Variants in TMEM177 observed in about 807,000 individuals in gnomAD.
TMEM177 encodes the protein transmembrane protein 177.
Under a neutral mutation model 14.2 loss-of-function variants are expected in TMEM177, and 4 were observed. The observed-to-expected ratio is 0.28, with a 90% confidence interval of 0.14 to 0.64. TMEM177 has a LOEUF of 0.64. TMEM177 is among the 30% of genes least tolerant of loss of function. The pLI, the probability that TMEM177 is intolerant of heterozygous loss-of-function variation, is 0.82. For missense variants in TMEM177, 344 were observed against 405.2 expected (o/e 0.85, Z 1.30); for synonymous variants, 179 against 174.5 (o/e 1.03, Z -0.20).
downstream of TMEM177, among the ~76,000 whole-genome samples, chr2:119,690,569 C>G (rs772312381): frequency 7.9e-5 from 12 of 152,184 alleles, no homozygotes; most frequent in Admixed American, 1.3e-4. Flanking sequence ...TAAGCTGGGG[C>G]CTGGGCCTGA....
At chr2:119,696,433 C>T in the TMEM177 span, among the ~76,000 whole-genome samples, 1 of 152,170 alleles carries the variant, frequency 6.6e-6, no homozygotes, top group Admixed American at 6.5e-5. Context: ...TACCACCAAC[C>T]CTTCATTTAT....
chr2:119,681,501 C>T lies in TMEM177; in HGVS notation c.648C>T (p.Tyr216=), dbSNP rs556209216. 23 of 1,613,760 alleles carry T rather than the reference C, an allele frequency of 1.4e-5. No individual in the cohort carries two copies. Among genetic ancestry groups the T allele is most frequent in the African/African-American group, 1.3e-4 (10 of 75,076 alleles). Residue 216 remains tyrosine, a synonymous_variant, in exon 2 of 2, where the codon TAC becomes TAT. Transcript: ENST00000272521. ...LVAAVAGFVA[Y]AFSQDSLTHA... is the part of the protein sequence containing the mutation. Reference sequence around the variant, plus strand: ...CAGCAGTGGCAGGCTTTGTGGCCTACGCCTTCTCCCAGGATTCTCTCACTC... The same window carrying T: ...CAGCAGTGGCAGGCTTTGTGGCCTATGCCTTCTCCCAGGATTCTCTCACTC...
chr2:119,694,764 AG>A, the TMEM177 span, among the ~76,000 whole-genome samples: 1 of 152,232 alleles, frequency 6.6e-6, no homozygotes, highest in Non-Finnish European at 1.5e-5. Flanking sequence ...GGCGGGGAGC[AG>A]AGCCCACTGC....
the TMEM177 span, among the ~76,000 whole-genome samples, chr2:119,694,218 CACAT>C: frequency 2.0e-5 from 3 of 151,418 alleles, no homozygotes; most frequent in Admixed American, 6.6e-5. Context: ...ACAACACAAA[CACAT>C]ACCACATACA....
chr2:119,708,644 GACACACACACAC>G, the TMEM177 span, among the ~76,000 whole-genome samples: 4 of 146,842 alleles, frequency 2.7e-5, no homozygotes, highest in Non-Finnish European at 6.0e-5. Context: ...ATCACACGCA[GACACACACACAC>G]ACACACACAC....
chr2:119,682,044 G>A lies in TMEM177; in HGVS notation c.*255G>A, dbSNP rs553601669. 2.2e-6 allele frequency: 1 copy of A among 456,594 alleles called. No homozygotes were observed. Among genetic ancestry groups the A allele is most frequent in the East Asian group, 3.6e-5 (1 of 27,824 alleles). The allele number at this position is 456,594 out of a possible 1,614,324, so 28.3% of individuals were successfully genotyped here. A position where few individuals can be genotyped will look rare whatever the true frequency, so the allele number is the denominator to read the frequency against. On this transcript the variant is annotated 3_prime_UTR_variant, in exon 2 of 2. Transcript: ENST00000272521. ...ATGATGTAAACCGCCTTGCAAGATT[G>A]TAGAGTTGGGTAAGGTCATGAACAT...
chr2:119,681,945 T>C lies in TMEM177; in HGVS notation c.*156T>C, dbSNP rs1224118868. On this transcript the variant is annotated 3_prime_UTR_variant, in exon 2 of 2. Transcript: ENST00000272521. ...TAGATTGTACTATAACCACTACTTA[T>C]GAACTCAGGGACTATGAGGGACTAT... 2 of 663,040 alleles carry C rather than the reference T, an allele frequency of 3.0e-6. No individual in the cohort carries two copies. Among genetic ancestry groups the C allele is most frequent in the East Asian group, 5.5e-5 (2 of 36,544 alleles). The allele number at this position is 663,040 out of a possible 1,614,324, so 41.1% of individuals were successfully genotyped here.
the TMEM177 span, among the ~76,000 whole-genome samples, chr2:119,721,028 T>A: frequency 6.6e-6 from 1 of 152,202 alleles, no homozygotes; most frequent in African/African-American, 2.4e-5. Context: ...CTGTCTCAGG[T>A]TCCTGGCCCA....
chr2:119,713,666 C>A, the TMEM177 span, among the ~76,000 whole-genome samples: 3 of 151,990 alleles, frequency 2.0e-5, no homozygotes, highest in African/African-American at 4.8e-5. Flanking sequence ...ATTGAGAGAC[C>A]CCATCTCTTG....
chr2:119,692,477 C>G, the TMEM177 span, among the ~76,000 whole-genome samples: 2 of 152,236 alleles, frequency 1.3e-5, no homozygotes, highest in Non-Finnish European at 1.5e-5. Context: ...CCCACCAACC[C>G]CTGACGAGGT....
At chr2:119,699,324 G>A in the TMEM177 span, among the ~76,000 whole-genome samples, 4 of 152,152 alleles carry the variant, frequency 2.6e-5, no homozygotes, top group African/African-American at 9.7e-5. Context: ...ATCAGATCTC[G>A]TGAGAATTCA....
At chr2:119,686,148 G>T (rs924857610), downstream of TMEM177, 2 of 158,676 alleles carry the variant, frequency 1.3e-5, no homozygotes, top group African/African-American at 4.8e-5. Flanking sequence ...GTGACTTCTG[G>T]TCCTGAGTTT....
At chr2:119,710,801 G>A in the TMEM177 span, among the ~76,000 whole-genome samples, 1 of 151,240 alleles carries the variant, frequency 6.6e-6, no homozygotes, top group Non-Finnish European at 1.5e-5. Flanking sequence ...TAGTAGAGAC[G>A]GTGTTTCACT....
At chr2:119,718,618 G>C in the TMEM177 span, among the ~76,000 whole-genome samples, 1 of 152,136 alleles carries the variant, frequency 6.6e-6, no homozygotes, top group Non-Finnish European at 1.5e-5. Context: ...TCCTTACCAC[G>C]TGACTAGGTC....
the TMEM177 span, among the ~76,000 whole-genome samples, chr2:119,697,344 T>A: frequency 6.6e-6 from 1 of 152,200 alleles, no homozygotes. Flanking sequence ...GTGGGTCACT[T>A]GAGCCTAGGA....
chr2:119,712,183 A>G, the TMEM177 span, among the ~76,000 whole-genome samples: 1 of 151,182 alleles, frequency 6.6e-6, no homozygotes, highest in African/African-American at 2.4e-5. Flanking sequence ...CCGTTTCTTT[A>G]TCTATAAAAA....
the TMEM177 span, among the ~76,000 whole-genome samples, chr2:119,721,657 G>A: frequency 3.9e-5 from 6 of 152,134 alleles, no homozygotes; most frequent in East Asian, 1.9e-4. Flanking sequence ...CTCCACTAAC[G>A]CCGGGTATTT....
chr2:119,696,478 G>T, the TMEM177 span, among the ~76,000 whole-genome samples: 2 of 152,178 alleles, frequency 1.3e-5, no homozygotes, highest in African/African-American at 4.8e-5. Flanking sequence ...ATATGTGCCA[G>T]GCTCTGTTCT....
downstream of TMEM177, among the ~76,000 whole-genome samples, chr2:119,683,705 A>G (rs965373728): frequency 6.6e-6 from 1 of 152,092 alleles, no homozygotes; most frequent in Non-Finnish European, 1.5e-5. Flanking sequence ...CAGTCCTCAC[A>G]CAAGCCTTAC....
Sources: gnomAD v4.1 joint callset for allele counts (sites outside exome capture counted in the v4.1 genomes callset) on GRCh38, gnomAD v4.1.1 for gene constraint, MANE v1.5 for transcripts, NCBI Gene and HGNC (gene_info 2026-07-23, HGNC 2026-07-21) for gene names.